SRGAP3: variants seen among roughly 807,000 people sequenced by gnomAD.
The protein encoded by SRGAP3 is SLIT-ROBO Rho GTPase-activating protein 3.
A neutral mutation model predicts 121.1 loss-of-function variants in SRGAP3; 39 were observed. The ratio of observed to expected loss-of-function variants is 0.32; its 90% confidence interval spans 0.25 to 0.42. SRGAP3 has a LOEUF of 0.42. Among genes scored for constraint, SRGAP3 ranks in the 10% least tolerant of loss-of-function variants. The pLI, the probability that SRGAP3 is intolerant of heterozygous loss-of-function variation, is 1.00. For missense variants in SRGAP3, 1,213 were observed against 1,470.6 expected (o/e 0.82, Z 2.86); for synonymous variants, 601 against 570.0 (o/e 1.05, Z -0.77).
chr3:9,345,785 CA>C (rs34225108), intron 1 of SRGAP3, among the ~76,000 whole-genome samples: 943 of 65,234 alleles, frequency 0.014, 4 homozygotes, highest in African/African-American at 0.041. Flanking sequence ...GACTCCAACT[CA>C]AAAAAAAAAA....
chr3:9,062,682 A>G (rs192645874), intron 5 of SRGAP3, among the ~76,000 whole-genome samples: 141 of 152,356 alleles, frequency 9.3e-4, no homozygotes, highest in African/African-American at 3.2e-3. Flanking sequence ...AGGTTCATCC[A>G]TGTTGCAGCA....
chr3:9,317,140 G>A (rs1475082500), intron 3 of SRGAP3, among the ~76,000 whole-genome samples: 1 of 152,184 alleles, frequency 6.6e-6, no homozygotes, highest in Non-Finnish European at 1.5e-5. Flanking sequence ...GAGAGCCTGG[G>A]GAGCACTCAT....
intron 1 of SRGAP3, among the ~76,000 whole-genome samples, chr3:9,330,788 A>G (rs564709647): frequency 6.6e-6 from 1 of 152,320 alleles, no homozygotes; most frequent in South Asian, 2.1e-4. Flanking sequence ...GTACAGAAAC[A>G]GTGAGATTGA....
intron 18 of SRGAP3, among the ~76,000 whole-genome samples, chr3:8,996,417 G>C (rs1359272073): frequency 4.6e-5 from 7 of 152,238 alleles, no homozygotes; most frequent in African/African-American, 1.7e-4. Flanking sequence ...ATGAGATGCA[G>C]TGGCTTTGGG....
intron 1 of SRGAP3, among the ~76,000 whole-genome samples, chr3:9,183,055 A>C: frequency 6.7e-6 from 1 of 148,346 alleles, no homozygotes. Context: ...TGTCACCCAA[A>C]CTCACCCAGT....
intron 3 of SRGAP3, among the ~76,000 whole-genome samples, chr3:9,099,200 C>T (rs986377319): frequency 6.6e-6 from 1 of 152,198 alleles, no homozygotes; most frequent in Non-Finnish European, 1.5e-5. Flanking sequence ...AGAAAACTCA[C>T]TCAAGACCAA....
chr3:9,259,533 ACCTGGGCTCAAAGG>A (rs1476408797), intron 3 of SRGAP3, among the ~76,000 whole-genome samples: 1 of 152,040 alleles, frequency 6.6e-6, no homozygotes, highest in East Asian at 1.9e-4. Context: ...GGCCTCAAAG[ACCTGGGCTCAAAGG>A]ATCTTCCTGC....
chr3:9,023,368 T>C (rs954969273), intron 14 of SRGAP3, among the ~76,000 whole-genome samples: 1 of 152,226 alleles, frequency 6.6e-6, no homozygotes, highest in Non-Finnish European at 1.5e-5. Context: ...CAATGACAAA[T>C]GATACTTGCA....
In SRGAP3 at chr3:9,010,401, C is replaced by G. The variant is rs146551341; in HGVS notation, c.2148-14G>C. On this transcript the variant is annotated splice_polypyrimidine_tract_variant and intron_variant, in intron 17 of 21. Transcript: ENST00000383836. ...TGTGGGCTGTCACTGCAAGGAAACA[C>G]GGGAATGGGACTCACTGCGGGGGGT... 2 of 1,613,792 alleles carry G rather than the reference C, an allele frequency of 1.2e-6. No individual in the cohort carries two copies. Among genetic ancestry groups the G allele is most frequent in the East Asian group, 2.2e-5 (1 of 44,868 alleles).
chr3:9,111,584 T>C (rs997883202), intron 2 of SRGAP3, among the ~76,000 whole-genome samples: 1 of 152,108 alleles, frequency 6.6e-6, no homozygotes, highest in Non-Finnish European at 1.5e-5. Context: ...TGGCTCACAA[T>C]GGGACTGCAG....
chr3:9,171,679 A>C (rs955334901), intron 1 of SRGAP3, among the ~76,000 whole-genome samples: 10 of 152,192 alleles, frequency 6.6e-5, no homozygotes, highest in Admixed American at 6.5e-4. Flanking sequence ...CTGTGTGCCC[A>C]AACTAAATAT....
chr3:9,352,375 G>A (rs1028533666), intron 1 of SRGAP3, among the ~76,000 whole-genome samples: 1 of 149,898 alleles, frequency 6.7e-6, no homozygotes, highest in African/African-American at 2.5e-5. Context: ...CCAGCTTCAA[G>A]TGATTCTCCT....
intron 18 of SRGAP3, among the ~76,000 whole-genome samples, chr3:8,998,974 T>C (rs1942581068): frequency 2.0e-5 from 3 of 152,200 alleles, no homozygotes; most frequent in African/African-American, 7.2e-5. Flanking sequence ...CTTCTAGATG[T>C]TTTTGAATTG....
rs1559238263 is a variant in SRGAP3 at position 9,244,069 on chromosome 3, T to A, written c.67+4816A>T. The stretch of plus-strand genomic sequence containing the variant: ...CCTCTGTTTGCCCAGCCCAGCCTGC[T>A]TTCTTCATTTTATCCTGTTGAAACC... On this transcript the variant is annotated intron_variant, in intron 1 of 21. Coordinates refer to ENST00000383836, the MANE Select transcript of SRGAP3 (RefSeq NM_014850.4). 2.6e-5 allele frequency among the ~76,000 whole-genome samples: 4 copies of A among 152,324 alleles called. No individual in the cohort carries two copies. The South Asian group carries it at 6.2e-4, about 24-fold the overall frequency.
At chr3:9,256,444 A>G (rs13321723) in intron 3 of SRGAP3, among the ~76,000 whole-genome samples, 7,158 of 151,414 alleles carry the variant, frequency 0.047, 564 homozygotes, top group African/African-American at 0.16. Context: ...GCAACTGCCT[A>G]GGAGAGTCTA....
chr3:9,080,086 C>T lies in SRGAP3; in HGVS notation c.425G>A (p.Ser142Asn). The T allele has an allele frequency of 1.2e-6, 2 of 1,614,202 alleles. No individual in the cohort carries two copies. The highest frequency in any genetic ancestry group is 1.7e-6 in the Non-Finnish European group (2 of 1,180,034). Reference sequence around the variant, plus strand: ...GTGCATCTGCAGGCCAATCTCCTTGCTCTGGAATGTGGAAGAACAAATGTC... The same window carrying T: ...GTGCATCTGCAGGCCAATCTCCTTGTTCTGGAATGTGGAAGAACAAATGTC... ...SEDVIRLFKK[S>N]KEIGLQMHEE... The change falls in exon 4 of 22, where the codon AGC becomes AAC. Residue 142 changes from serine to asparagine, a missense_variant and splice_region_variant. By Grantham distance (46) the Ser-to-Asn change is conservative. Around this residue, in one of 2 missense-constraint regions of SRGAP3, gnomAD observed 793 missense variants for 1,032.9 expected, o/e 0.77. Coordinates refer to ENST00000383836, the MANE Select transcript of SRGAP3 (RefSeq NM_014850.4).
chr3:9,061,554 C>T (rs1450984854), intron 5 of SRGAP3, among the ~76,000 whole-genome samples: 4 of 152,204 alleles, frequency 2.6e-5, no homozygotes, highest in African/African-American at 7.2e-5. Flanking sequence ...TAAGCACTTC[C>T]ACCACCTGAA....
At chr3:9,213,734 C>T (rs390151) in intron 1 of SRGAP3, among the ~76,000 whole-genome samples, 51,376 of 152,106 alleles carry the variant, frequency 0.34, 9,454 homozygotes, top group African/African-American at 0.48. Flanking sequence ...CCCTCCATGA[C>T]CATGATCTGG....
At chr3:9,035,137 A>T (rs987473509) in intron 11 of SRGAP3, 11 of 152,152 alleles carry the variant, frequency 7.2e-5, no homozygotes, top group African/African-American at 2.7e-4. Context: ...TATGAAAGTG[A>T]TTTTATCATA....
Sources: allele counts gnomAD v4.1 joint callset (sites outside exome capture counted in the v4.1 genomes callset), GRCh38; gene constraint gnomAD v4.1.1; regional missense constraint gnomAD v4.1.1; transcripts MANE v1.5; gene names NCBI Gene and HGNC (gene_info 2026-07-23, HGNC 2026-07-21).